N4BP2: variants seen among roughly 807,000 people sequenced by gnomAD.
The protein encoded by N4BP2 is NEDD4-binding protein 2.
Under a neutral mutation model 152.8 loss-of-function variants are expected in N4BP2, and 91 were observed. That is an observed-to-expected ratio of 0.60 (90% CI 0.50 to 0.71). N4BP2 has a LOEUF of 0.71. N4BP2 is among the 30% of genes least tolerant of loss of function. The pLI is 0.00. For missense variants in N4BP2, 1,923 were observed against 2,059.1 expected, an observed-to-expected ratio of 0.93 and a Z score of 1.28; for synonymous variants, 646 against 705.3, an observed-to-expected ratio of 0.92 and a Z score of 1.33.
chr4:40,181,594 C>T, the N4BP2 span, among the ~76,000 whole-genome samples: 5 of 152,290 alleles, frequency 3.3e-5, no homozygotes, highest in Admixed American at 2.6e-4. Context: ...GCTCAACTCG[C>T]GGCTTTCATT....
Position 40,097,240 on chromosome 4 carries a change from T to C in N4BP2, c.-101T>C. 2.2e-6 allele frequency: 2 copies of C among 910,776 alleles called. No individual in the cohort carries two copies. The highest frequency in any genetic ancestry group is 3.5e-6 in the Non-Finnish European group (2 of 577,922). The allele number at this position is 910,776 out of a possible 1,614,324, so 56.4% of individuals were successfully genotyped here. ...TTTCTATTTTAGGTCTTTTTACTGC[T>C]GGATTGTGCAAGATATTTAACCCTA... On this transcript the variant is annotated 5_prime_UTR_variant, in exon 3 of 18. Coordinates refer to ENST00000261435, the MANE Select transcript of N4BP2 (RefSeq NM_018177.6).
chr4:40,164,080 T>C, the N4BP2 span, among the ~76,000 whole-genome samples: 1 of 151,972 alleles, frequency 6.6e-6, no homozygotes, highest in Non-Finnish European at 1.5e-5. Context: ...AAGGGTTCAG[T>C]GTGGGAAGGA....
chr4:40,141,840 C>A (rs1005132000), intron 14 of N4BP2, among the ~76,000 whole-genome samples: 3 of 152,242 alleles, frequency 2.0e-5, no homozygotes, highest in African/African-American at 7.2e-5. Context: ...AATCCCGGCA[C>A]CTCGGGAGGC....
chr4:40,122,468 G>A (rs1022660385), intron 9 of N4BP2, among the ~76,000 whole-genome samples, 159 bp downstream of exon 9: 3 of 152,040 alleles, frequency 2.0e-5, no homozygotes, highest in Non-Finnish European at 4.4e-5. Context: ...CTGCCTCCCA[G>A]GTTCAAGTGA....
chr4:40,145,277 G>C (rs529560731), intron 16 of N4BP2, among the ~76,000 whole-genome samples: 26 of 151,946 alleles, frequency 1.7e-4, no homozygotes, highest in African/African-American at 6.3e-4. Flanking sequence ...AGGCTGGAGT[G>C]CAGTGGTGCC....
In N4BP2 at chr4:40,121,290, C is replaced by A. The variant is rs746510287; in HGVS notation, c.3179C>A (p.Ser1060Ter). 1.9e-6 allele frequency: 3 copies of A among 1,613,506 alleles called. No homozygotes were observed. In the South Asian group the frequency reaches 3.3e-5, roughly 18 times the overall value. Residue 1060 changes from serine to a stop codon, truncating the protein, a stop_gained, in exon 9 of 18, where the codon TCA becomes TAA. Coordinates refer to ENST00000261435, the MANE Select transcript of N4BP2 (RefSeq NM_018177.6). LOFTEE classifies it high-confidence loss of function. The stretch of plus-strand genomic sequence containing the variant: ...AAAGTTTTCAATATTAACACAAAAT[C>A]AGACGTTCAAGAAGCAATTCCATAT... ...KPKVFNINTK[S>*]DVQEAIPYRV...
chr4:40,076,112 C>T (rs1482146677), intron 2 of N4BP2, among the ~76,000 whole-genome samples: 3 of 152,216 alleles, frequency 2.0e-5, no homozygotes. Flanking sequence ...AGGTGTGAGC[C>T]ATCATGCCTG....
intron 16 of N4BP2, 114 bp downstream of exon 16, chr4:40,144,914 T>C: frequency 1.4e-6 from 1 of 739,088 alleles, no homozygotes; most frequent in Non-Finnish European, 2.1e-6. Context: ...CTGTGTAACA[T>C]CTGTAAATGT....
intron 1 of N4BP2, among the ~76,000 whole-genome samples, chr4:40,060,261 T>C (rs1001890146): frequency 6.6e-6 from 1 of 152,184 alleles, no homozygotes; most frequent in Admixed American, 6.6e-5. Context: ...TTTATTTTTT[T>C]TGAGATGGAG....
the N4BP2 span, among the ~76,000 whole-genome samples, chr4:40,170,553 T>C: frequency 1.2e-4 from 19 of 152,182 alleles, no homozygotes; most frequent in African/African-American, 4.6e-4. Flanking sequence ...GACAGGAGGA[T>C]AGCTTGAATC....
intron 2 of N4BP2, among the ~76,000 whole-genome samples, chr4:40,075,962 G>A (rs758318336): frequency 6.6e-5 from 10 of 152,128 alleles, no homozygotes; most frequent in Non-Finnish European, 1.5e-4. Context: ...GAGCAGCTGG[G>A]ACTACAGGCA....
chr4:40,064,743 A>G (rs1560566442), intron 1 of N4BP2, among the ~76,000 whole-genome samples: 2 of 152,036 alleles, frequency 1.3e-5, no homozygotes, highest in Non-Finnish European at 2.9e-5. Context: ...TTTCCTAAAG[A>G]AAAGTAAATT....
At chr4:40,148,351 G>A (rs144101433) in intron 16 of N4BP2, among the ~76,000 whole-genome samples, 1 of 152,196 alleles carries the variant, frequency 6.6e-6, no homozygotes, top group South Asian at 2.1e-4. Context: ...CTGGGCAGGC[G>A]GAGGCAGGAG....
At position 40,154,340 on chromosome 4, in the gene N4BP2, A is replaced by G. The variant is rs950048256; in HGVS notation, c.*103A>G. ...ACCCTAAAGATGTGTTTTATTATAA[A>G]TAATATTCAATTATGAAACAAAAAA... On this transcript the variant is annotated 3_prime_UTR_variant, in exon 18 of 18. Coordinates refer to ENST00000261435, the MANE Select transcript of N4BP2 (RefSeq NM_018177.6). 6.1e-5 allele frequency: 40 copies of G among 658,590 alleles called. No individual in the cohort carries two copies. The highest frequency in any genetic ancestry group is 5.7e-4 in the African/African-American group (30 of 52,242). 40.8% of individuals were successfully genotyped at this position (658,590 alleles called of 1,614,324 possible).
chr4:40,094,461 A>G (rs1714921117), intron 2 of N4BP2, among the ~76,000 whole-genome samples: 2 of 152,088 alleles, frequency 1.3e-5, no homozygotes, highest in Non-Finnish European at 2.9e-5. Context: ...ATAATTGTGA[A>G]TTTGTCTATT....
chr4:40,082,769 C>T lies in N4BP2; in HGVS notation c.-115+9218C>T, dbSNP rs1036672162. ...AGGCTGGAGTGCAGTGGCTCAATCT[C>T]GGCTGACTGCAAGCTCTGCCGCCCG... On this transcript the variant is annotated intron_variant, in intron 2 of 17. Transcript: ENST00000261435. 2.6e-5 allele frequency among the ~76,000 whole-genome samples: 4 copies of T among 151,658 alleles called. No homozygotes were observed. In the South Asian group the frequency reaches 6.2e-4, roughly 24 times the overall value.
chr4:40,083,465 A>C (rs576606050), intron 2 of N4BP2, among the ~76,000 whole-genome samples: 47 of 152,302 alleles, frequency 3.1e-4, no homozygotes, highest in African/African-American at 1.1e-3. Flanking sequence ...TGTACATAAA[A>C]TGTGTTATAT....
downstream of N4BP2, among the ~76,000 whole-genome samples, chr4:40,160,254 T>G (rs907956162): frequency 4.6e-5 from 7 of 152,238 alleles, no homozygotes; most frequent in Non-Finnish European, 1.0e-4. Context: ...TTTTTGGCAT[T>G]GCTACATTAG....
intron 10 of N4BP2, 62 bp from the exon 11 acceptor site, chr4:40,124,098 T>C: frequency 4.8e-6 from 6 of 1,238,940 alleles, no homozygotes; most frequent in Non-Finnish European, 5.9e-6. Context: ...AATATAACCT[T>C]GTATCCTTGT....
Sources: allele counts gnomAD v4.1 joint callset (sites outside exome capture counted in the v4.1 genomes callset), GRCh38; gene constraint gnomAD v4.1.1; transcripts MANE v1.5; gene names NCBI Gene and HGNC (gene_info 2026-07-23, HGNC 2026-07-21).